The following HLCS variants were observed in gnomAD, a reference collection of about 807,000 sequenced individuals.
HLCS encodes the protein biotin--protein ligase.
HLCS carries 53 observed loss-of-function variants against 75.0 expected under a neutral mutation model. The ratio of observed to expected loss-of-function variants is 0.71; its 90% CI spans 0.57 to 0.89. The LOEUF (loss-of-function observed/expected upper bound fraction) is 0.89. HLCS is among the 40% of genes least tolerant of loss of function. The pLI, the probability that HLCS is intolerant of heterozygous loss-of-function variation, is 0.00. For missense variants in HLCS, 966 were observed against 1,074.0 expected (o/e 0.90, Z 1.41); for synonymous variants, 431 against 428.6 (o/e 1.01, Z -0.07).
At chr21:36,789,875 T>C (rs879180487) in intron 6 of HLCS, among the ~76,000 whole-genome samples, 3 of 152,208 alleles carry the variant, frequency 2.0e-5, no homozygotes, top group Admixed American at 2.0e-4. Context: ...GTGTACAGAG[T>C]ACTTAACTAT....
At chr21:36,932,455 G>C (rs1209172601) in intron 4 of HLCS, among the ~76,000 whole-genome samples, 1 of 152,144 alleles carries the variant, frequency 6.6e-6, no homozygotes, top group African/African-American at 2.4e-5. Flanking sequence ...TCCTTCCCCT[G>C]ATTGAATTTT....
intron 8 of HLCS, among the ~76,000 whole-genome samples, chr21:36,764,504 G>A (rs2089964678): frequency 1.3e-5 from 2 of 152,142 alleles, no homozygotes; most frequent in Non-Finnish European, 2.9e-5. Context: ...AGGACTTCAA[G>A]ACCAGCCTGG....
At chr21:36,791,785 G>C (rs745463227) in intron 6 of HLCS, among the ~76,000 whole-genome samples, 2 of 152,062 alleles carry the variant, frequency 1.3e-5, no homozygotes. Flanking sequence ...CTGTTTGCTG[G>C]ACACACAAGG....
intron 5 of HLCS, 117 bp downstream of exon 5, chr21:36,930,134 G>T: frequency 2.1e-6 from 2 of 962,980 alleles, no homozygotes; most frequent in Non-Finnish European, 3.3e-6. Flanking sequence ...CAAACCCGAA[G>T]TCAAAACAGA....
intron 5 of HLCS, among the ~76,000 whole-genome samples, chr21:36,913,158 T>G (rs1371305997): frequency 6.6e-6 from 1 of 152,112 alleles, no homozygotes; most frequent in African/African-American, 2.4e-5. Context: ...CATTAACGAC[T>G]GCCCAAACCA....
intron 1 of HLCS, among the ~76,000 whole-genome samples, chr21:36,972,798 T>C (rs2068827451): frequency 6.6e-6 from 1 of 152,234 alleles, no homozygotes; most frequent in South Asian, 2.1e-4. Context: ...ACTGAGTTTA[T>C]GAATAGTATT....
At chr21:36,849,371 G>C (rs2062907448) in intron 6 of HLCS, among the ~76,000 whole-genome samples, 2 of 152,230 alleles carry the variant, frequency 1.3e-5, no homozygotes, top group Admixed American at 6.5e-5. Flanking sequence ...ATAGAATTTG[G>C]TTTATTTTGT....
chr21:36,749,533 T>C lies in HLCS; in HGVS notation c.*4713A>G, dbSNP rs2089303516. 6.6e-6 allele frequency: 1 copy of C among 151,002 alleles called. No individual in the cohort carries two copies. The highest frequency in any genetic ancestry group is 1.5e-5 in the Non-Finnish European group (1 of 67,884). 9.4% of individuals were successfully genotyped at this position (151,002 alleles called of 1,614,324 possible). A position where few individuals can be genotyped will look rare whatever the true frequency, so the allele number is the denominator to read the frequency against. On this transcript the variant is annotated 3_prime_UTR_variant, in exon 11 of 11. Transcript: ENST00000674895. ...ACAGGGTGTCTGTCAGTGGGCCTCA[T>C]GGTAAGAGTCACAATTTGCAAATTT...
chr21:36,797,378 GAAAT>G (rs1435113230), intron 6 of HLCS, among the ~76,000 whole-genome samples: 2 of 151,386 alleles, frequency 1.3e-5, no homozygotes, highest in Non-Finnish European at 2.9e-5. Flanking sequence ...AATATTATTA[GAAAT>G]AATATTTATT....
chr21:36,915,280 T>C (rs2065885726), intron 5 of HLCS, among the ~76,000 whole-genome samples: 1 of 152,250 alleles, frequency 6.6e-6, no homozygotes, highest in South Asian at 2.1e-4. Context: ...AAAACGGAGC[T>C]TCAAGATTCA....
At chr21:36,801,794 T>TA (rs894871530) in intron 6 of HLCS, among the ~76,000 whole-genome samples, 11 of 151,566 alleles carry the variant, frequency 7.3e-5, no homozygotes, top group Non-Finnish European at 1.3e-4. Context: ...TTTTTTTTTT[T>TA]AAATTTTTTA....
chr21:36,885,309 C>A (rs1166087632), intron 6 of HLCS, among the ~76,000 whole-genome samples: 1 of 152,022 alleles, frequency 6.6e-6, no homozygotes, highest in African/African-American at 2.4e-5. Context: ...CAGTTCAAGG[C>A]CAACCTGGGT....
At chr21:36,841,805 C>T (rs1432075944) in intron 6 of HLCS, among the ~76,000 whole-genome samples, 1 of 152,188 alleles carries the variant, frequency 6.6e-6, no homozygotes, top group Non-Finnish European at 1.5e-5. Context: ...GTAGGCCTGG[C>T]ATCCCAGAAA....
At chr21:36,765,405 C>G (rs2089996497) in intron 7 of HLCS, among the ~76,000 whole-genome samples, 4 of 152,230 alleles carry the variant, frequency 2.6e-5, no homozygotes, top group Admixed American at 2.6e-4. Context: ...GTGAGCATAT[C>G]ATTTGTGCCT....
chr21:36,891,425 C>T (rs979156206), intron 6 of HLCS, among the ~76,000 whole-genome samples: 1 of 152,192 alleles, frequency 6.6e-6, no homozygotes, highest in African/African-American at 2.4e-5. Flanking sequence ...ACCTAGGAAC[C>T]GGTACCTGAA....
upstream of HLCS, among the ~76,000 whole-genome samples, chr21:36,970,700 T>G (rs1023252401): frequency 6.6e-6 from 1 of 151,636 alleles, no homozygotes; most frequent in African/African-American, 2.4e-5. Flanking sequence ...AGGAACTATG[T>G]AGAAAATCTT....
intron 6 of HLCS, among the ~76,000 whole-genome samples, chr21:36,876,452 G>A (rs984518654): frequency 2.6e-5 from 4 of 152,118 alleles, no homozygotes; most frequent in Admixed American, 2.6e-4. Flanking sequence ...GTTTCTCTAC[G>A]TAGGTCTTAT....
chr21:36,981,225 G>C (rs1213602104), intron 1 of HLCS, among the ~76,000 whole-genome samples: 1 of 152,156 alleles, frequency 6.6e-6, no homozygotes, highest in African/African-American at 2.4e-5. Flanking sequence ...AATAAAATGA[G>C]TGACAGACAA....
chr21:36,881,595 T>A (rs11088368), intron 6 of HLCS, among the ~76,000 whole-genome samples: 4 of 152,230 alleles, frequency 2.6e-5, no homozygotes, highest in Middle Eastern at 3.4e-3. Context: ...AGAGAACTTG[T>A]AACAGATCAT....
Sources: gnomAD v4.1 joint callset for allele counts (sites outside exome capture counted in the v4.1 genomes callset) on GRCh38, gnomAD v4.1.1 for gene constraint, MANE v1.5 for transcripts, NCBI Gene and HGNC (gene_info 2026-07-23, HGNC 2026-07-21) for gene names.